ACER1: variants seen among roughly 807,000 people sequenced by gnomAD.
ACER1 encodes the protein alkaline ceramidase 1, also known as CTB-180A7.3.
ACER1 carries 28 observed loss-of-function variants against 24.9 expected under a neutral mutation model. The ratio of observed to expected loss-of-function variants is 1.13; its 90% CI spans 0.83 to 1.54. The LOEUF (loss-of-function observed/expected upper bound fraction) is 1.54. Ranked by LOEUF, ACER1 falls within the 40% of genes most tolerant of loss-of-function variation. ACER1 has a pLI of 0.00. For missense variants in ACER1, 352 were observed against 349.3 expected (o/e 1.01, Z -0.06); for synonymous variants, 132 against 131.4 (o/e 1.00, Z -0.03).
upstream of ACER1, among the ~76,000 whole-genome samples, chr19:6,334,610 G>T (rs537548672): frequency 6.6e-6 from 1 of 152,216 alleles, no homozygotes; most frequent in South Asian, 2.1e-4. Flanking sequence ...GCCTCCCAAG[G>T]TGCCGGGATT....
intron 1 of ACER1, among the ~76,000 whole-genome samples, chr19:6,317,756 G>A (rs924383877): frequency 6.6e-6 from 1 of 151,646 alleles, no homozygotes; most frequent in Non-Finnish European, 1.5e-5. Flanking sequence ...TTTTGTTTTT[G>A]TGTTTTTTTT....
chr19:6,359,953 G>T, the ACER1 span, among the ~76,000 whole-genome samples: 68 of 152,152 alleles, frequency 4.5e-4, no homozygotes, highest in African/African-American at 1.5e-3. Context: ...TAGACTTTGG[G>T]GATGAAGCAG....
At chr19:6,334,274 G>C (rs910581035), upstream of ACER1, among the ~76,000 whole-genome samples, 7 of 152,022 alleles carry the variant, frequency 4.6e-5, no homozygotes, top group African/African-American at 1.7e-4. Flanking sequence ...TCGATCTCCT[G>C]ACCTCGTGAT....
chr19:6,339,102 C>A, the ACER1 span, among the ~76,000 whole-genome samples: 1 of 151,778 alleles, frequency 6.6e-6, no homozygotes, highest in African/African-American at 2.4e-5. Flanking sequence ...GTTTGGAACT[C>A]CTGACCTCAG....
At chr19:6,340,049 G>A in the ACER1 span, among the ~76,000 whole-genome samples, 1 of 151,610 alleles carries the variant, frequency 6.6e-6, no homozygotes, top group Non-Finnish European at 1.5e-5. Flanking sequence ...ACTGAGGCAG[G>A]TGGATCACTT....
At chr19:6,350,094 G>A in the ACER1 span, among the ~76,000 whole-genome samples, 11,736 of 151,880 alleles carry the variant, frequency 0.077, 784 homozygotes, top group African/African-American at 0.18. Context: ...CTGCACTACC[G>A]CACTCCAGCC....
At chr19:6,358,626 CAAAAAAAAA>C in the ACER1 span, among the ~76,000 whole-genome samples, 1 of 95,654 alleles carries the variant, frequency 1.0e-5, no homozygotes, top group African/African-American at 3.8e-5. Flanking sequence ...GACTCCATCT[CAAAAAAAAA>C]AAAAAAAGAG....
intron 1 of ACER1, among the ~76,000 whole-genome samples, chr19:6,321,522 T>C (rs578102241): frequency 2.6e-5 from 4 of 152,200 alleles, no homozygotes; most frequent in Non-Finnish European, 5.9e-5. Context: ...TCTTGTAGCC[T>C]TGACTTTGGC....
chr19:6,317,606 C>G (rs1236358912), intron 1 of ACER1, among the ~76,000 whole-genome samples: 2 of 152,166 alleles, frequency 1.3e-5, no homozygotes, highest in African/African-American at 4.8e-5. Context: ...AACCAGTCTC[C>G]CAGATTCAAA....
At chr19:6,346,623 A>G in the ACER1 span, among the ~76,000 whole-genome samples, 5 of 148,470 alleles carry the variant, frequency 3.4e-5, no homozygotes, top group African/African-American at 1.2e-4. Context: ...TGGAGCAATC[A>G]TCACACCTTG....
At chr19:6,325,256 G>A (rs746255987) in intron 1 of ACER1, among the ~76,000 whole-genome samples, 16 of 152,280 alleles carry the variant, frequency 1.1e-4, no homozygotes, top group Non-Finnish European at 2.1e-4. Context: ...AACCTTTCCA[G>A]TCCTTTCTCT....
At chr19:6,337,801 G>A (rs1481925440), upstream of ACER1, among the ~76,000 whole-genome samples, 3 of 146,870 alleles carry the variant, frequency 2.0e-5, no homozygotes, top group Non-Finnish European at 3.0e-5. Flanking sequence ...TCAGCCTCCC[G>A]AGTAGCTGGG....
At chr19:6,351,651 T>C in the ACER1 span, among the ~76,000 whole-genome samples, 10 of 145,934 alleles carry the variant, frequency 6.9e-5, no homozygotes, top group African/African-American at 2.2e-4. Context: ...GAAGATCGCT[T>C]GAGCCTGGGA....
chr19:6,306,864 G>A lies in ACER1; in HGVS notation c.645C>T (p.Ile215=). The change falls in exon 6 of 6, where the codon ATC becomes ATT. Residue 215 remains isoleucine, a synonymous_variant. Transcript: ENST00000301452. ...LHSIWHVLIS[I]TFPYGMVTMA... ...TGGTGACCATGCCATAAGGGAAGGT[G>A]ATGCTGATGAGCACATGCCTGTGGA... The A allele has an allele frequency of 6.2e-7, 1 of 1,613,784 alleles. No individual in the cohort carries two copies. Among genetic ancestry groups the A allele is most frequent in the Non-Finnish European group, 8.5e-7 (1 of 1,179,774 alleles).
chr19:6,351,499 G>T, the ACER1 span, among the ~76,000 whole-genome samples: 1 of 151,888 alleles, frequency 6.6e-6, no homozygotes. Context: ...GAGAGGCTGA[G>T]GCAGGAGGAT....
the ACER1 span, among the ~76,000 whole-genome samples, chr19:6,353,203 G>A: frequency 6.6e-6 from 1 of 151,992 alleles, no homozygotes; most frequent in East Asian, 1.9e-4. Context: ...GTGGTGGCTT[G>A]CGCCTATAGT....
chr19:6,352,979 C>A, the ACER1 span, among the ~76,000 whole-genome samples: 1 of 152,172 alleles, frequency 6.6e-6, no homozygotes, highest in African/African-American at 2.4e-5. Context: ...CCAAAATACT[C>A]ATTCATTCAG....
At chr19:6,356,484 A>T in the ACER1 span, among the ~76,000 whole-genome samples, 1 of 149,708 alleles carries the variant, frequency 6.7e-6, no homozygotes, top group Non-Finnish European at 1.5e-5. Flanking sequence ...AATAAATAAA[A>T]TAAATAAATA....
chr19:6,349,620 CTG>C, the ACER1 span, among the ~76,000 whole-genome samples: 1 of 152,118 alleles, frequency 6.6e-6, no homozygotes, highest in Non-Finnish European at 1.5e-5. Context: ...GCGAGGGACT[CTG>C]GAGCCAGTGA....
Sources: gnomAD v4.1 joint callset for allele counts (sites outside exome capture counted in the v4.1 genomes callset) on GRCh38, gnomAD v4.1.1 for gene constraint, MANE v1.5 for transcripts, NCBI Gene and HGNC (gene_info 2026-07-23, HGNC 2026-07-21) for gene names.